Variants in COL1A2 observed in about 807,000 individuals in gnomAD.
COL1A2 encodes the protein collagen type I alpha 2 chain.
A neutral mutation model predicts 174.3 loss-of-function variants in COL1A2; 49 were observed. The observed-to-expected ratio is 0.28, with a 90% CI of 0.22 to 0.36. COL1A2 has a LOEUF of 0.36. Among genes scored for constraint, COL1A2 ranks in the 10% least tolerant of loss-of-function variants. COL1A2 has a pLI of 1.00. For missense variants in COL1A2, 1,438 were observed against 1,822.7 expected, an observed-to-expected ratio of 0.79 and a Z score of 3.84; for synonymous variants, 655 against 606.6, an observed-to-expected ratio of 1.08 and a Z score of -1.17.
At chr7:94,416,939 C>A (rs549548467) in intron 31 of COL1A2, 1 of 161,932 alleles carries the variant, frequency 6.2e-6, no homozygotes, top group East Asian at 1.7e-4. Context: ...AATACATTCA[C>A]CCCCAAAAAT....
At chr7:94,403,687 G>A (rs1187307219) in intron 6 of COL1A2, among the ~76,000 whole-genome samples, 1 of 152,086 alleles carries the variant, frequency 6.6e-6, no homozygotes, top group East Asian at 1.9e-4. Context: ...AGTAAGGTAG[G>A]TTTGACTGCA....
chr7:94,403,929 T>G (rs1408274390), intron 6 of COL1A2, among the ~76,000 whole-genome samples: 2 of 152,196 alleles, frequency 1.3e-5, no homozygotes, highest in African/African-American at 4.8e-5. Flanking sequence ...GGCCATATTT[T>G]CAACAATAAT....
In COL1A2 at chr7:94,428,376, A is replaced by G. The variant is rs778954343; in HGVS notation, c.3610A>G (p.Ile1204Val). ...YCDFSTGETCIRAQPENIPAK... is the reference protein window; with the variant it reads ...YCDFSTGETCVRAQPENIPAK... ...TGATTTCTCTACTGGCGAAACCTGT[A>G]TCCGGGCCCAACCTGAAAACATCCC... The change falls in exon 50 of 52, where the codon ATC (isoleucine) becomes GTC (valine). Residue 1204 changes from isoleucine to valine, a missense_variant. Physicochemically the swap from Ile to Val is conservative, Grantham distance 29. Coordinates refer to ENST00000297268, the MANE Select transcript of COL1A2 (RefSeq NM_000089.4). The G allele has an allele frequency of 6.2e-7, 1 of 1,614,130 alleles. No homozygotes were observed. Among genetic ancestry groups the G allele is most frequent in the South Asian group, 1.1e-5 (1 of 91,084 alleles).
intron 9 of COL1A2, 39 bp downstream of exon 9, chr7:94,404,931 A>T (rs1395994595): frequency 1.2e-6 from 2 of 1,608,400 alleles, no homozygotes; most frequent in South Asian, 2.2e-5. Context: ...AATGCTATTT[A>T]AATACTCTTG....
At chr7:94,396,797 G>A (rs1263646574) in intron 1 of COL1A2, among the ~76,000 whole-genome samples, 2 of 152,042 alleles carry the variant, frequency 1.3e-5, no homozygotes, top group Admixed American at 6.6e-5. Flanking sequence ...CCTAAATTGT[G>A]ACTGTTGCAA....
chr7:94,425,489 C>T, intron 42 of COL1A2, 121 bp from the exon 43 acceptor site: 1 of 1,074,386 alleles, frequency 9.3e-7, no homozygotes, highest in Non-Finnish European at 1.4e-6. Flanking sequence ...CTAGTTTTAA[C>T]AGTCTGAAAG....
In COL1A2 at chr7:94,418,485, C is replaced by T; in HGVS notation, c.1972-14C>T. 1 of 1,613,308 alleles carries T rather than the reference C, an allele frequency of 6.2e-7. No homozygotes were observed. Among genetic ancestry groups the T allele is most frequent in the Non-Finnish European group, 8.5e-7 (1 of 1,179,428 alleles). ...GTCAGAAAACAAAAAGTTGCTCTTG[C>T]TTTATACTTTCAGGGTGAACCTGGT... On this transcript the variant is annotated splice_polypyrimidine_tract_variant and intron_variant, in intron 32 of 51. Coordinates refer to ENST00000297268, the MANE Select transcript of COL1A2 (RefSeq NM_000089.4).
chr7:94,404,834 C>T lies in COL1A2; in HGVS notation c.379-5C>T. On this transcript the variant is annotated splice_polypyrimidine_tract_variant and splice_region_variant and intron_variant, in intron 8 of 51. Transcript: ENST00000297268. The stretch of plus-strand genomic sequence containing the variant: ...AGTGAAATGATGGGTCTCCCATTTT[C>T]TTAGGGTCCTGCAGGTGCTCGTGGT... 2.5e-6 allele frequency: 4 copies of T among 1,614,084 alleles called. No individual in the cohort carries two copies. The highest frequency in any genetic ancestry group is 3.4e-6 in the Non-Finnish European group (4 of 1,180,010).
chr7:94,410,558 A>T, intron 21 of COL1A2, 31 bp downstream of exon 21: 1 of 1,501,284 alleles, frequency 6.7e-7, no homozygotes, highest in Non-Finnish European at 9.1e-7. Flanking sequence ...ACACCCTAAC[A>T]CACCAGAGGC....
intron 12 of COL1A2, 116 bp from the exon 13 acceptor site, chr7:94,407,731 A>G: frequency 3.5e-6 from 3 of 866,120 alleles, no homozygotes; most frequent in Non-Finnish European, 5.5e-6. Context: ...TATATGTGTA[A>G]GAAATATTAT....
chr7:94,404,755 A>T lies in COL1A2; in HGVS notation c.378+9A>T. ...GTGAACCTGGTCAAACTGTGAGTACATTTTTCCACCTTTGTGATAAGTTTT... is the reference window on the plus strand; with the variant it reads ...GTGAACCTGGTCAAACTGTGAGTACTTTTTTCCACCTTTGTGATAAGTTTT... On this transcript the variant is annotated intron_variant, in intron 8 of 51. Transcript: ENST00000297268. 6.2e-7 allele frequency: 1 copy of T among 1,614,046 alleles called. No individual in the cohort carries two copies. Among genetic ancestry groups the T allele is most frequent in the Non-Finnish European group, 8.5e-7 (1 of 1,179,986 alleles).
At chr7:94,400,894 T>C (rs1791676600) in intron 5 of COL1A2, among the ~76,000 whole-genome samples, 1 of 152,208 alleles carries the variant, frequency 6.6e-6, no homozygotes, top group African/African-American at 2.4e-5. Flanking sequence ...TACCCAACTG[T>C]ATGTCAGTAA....
intron 33 of COL1A2, 87 bp from the exon 34 acceptor site, chr7:94,419,411 G>A (rs1157927275): frequency 6.8e-7 from 1 of 1,460,608 alleles, no homozygotes; most frequent in Admixed American, 1.7e-5. Context: ...TTCAGTCACT[G>A]TATAAGCACA....
chr7:94,430,598 A>G lies in COL1A2; in HGVS notation c.*205A>G, dbSNP rs6955879. 2,521 of 590,498 alleles carry G rather than the reference A, an allele frequency of 4.3e-3. 49 individuals are homozygous for G. The African/African-American group carries it at 0.043, about 10-fold the overall frequency. The allele number at this position is 590,498 out of a possible 1,614,324, so 36.6% of individuals were successfully genotyped here. On this transcript the variant is annotated 3_prime_UTR_variant, in exon 52 of 52. Transcript: ENST00000297268. ...ATTAACTCCTTCCCCCGCTCCCCCA[A>G]AAATTTGAATTTTTTTTTCAACACT...
intron 34 of COL1A2, 102 bp downstream of exon 34, chr7:94,419,653 GC>G (rs1231042559): frequency 7.8e-7 from 1 of 1,282,952 alleles, no homozygotes; most frequent in African/African-American, 1.5e-5. Flanking sequence ...TTGGTATAAA[GC>G]CTACTTATTT....
chr7:94,414,077 T>G, intron 28 of COL1A2, 130 bp downstream of exon 28: 1 of 1,339,826 alleles, frequency 7.5e-7, no homozygotes, highest in Non-Finnish European at 1.1e-6. Flanking sequence ...GGTGCATTTT[T>G]TTCAAACAAA....
At chr7:94,410,083 T>C (rs994709224) in intron 19 of COL1A2, among the ~76,000 whole-genome samples, 159 bp from the exon 20 acceptor site, 1 of 152,226 alleles carries the variant, frequency 6.6e-6, no homozygotes, top group African/African-American at 2.4e-5. Context: ...CGACCAATAA[T>C]ACCATTCCCC....
intron 12 of COL1A2, 69 bp from the exon 13 acceptor site, chr7:94,407,778 T>A (rs987539335): frequency 7.8e-6 from 11 of 1,409,408 alleles, no homozygotes; most frequent in Non-Finnish European, 1.1e-5. Flanking sequence ...AAAAATAGAG[T>A]AAAATTGCAC....
Position 94,411,163 on chromosome 7 carries a change from C to T in COL1A2, c.1350+9C>T. The T allele has an allele frequency of 1.3e-6, 2 of 1,559,134 alleles. No individual in the cohort carries two copies. The highest frequency in any genetic ancestry group is 1.7e-6 in the Non-Finnish European group (2 of 1,148,052). On this transcript the variant is annotated intron_variant, in intron 23 of 51. Coordinates refer to ENST00000297268, the MANE Select transcript of COL1A2 (RefSeq NM_000089.4). The stretch of plus-strand genomic sequence containing the variant: ...GTCTCATGGGACCCAGAGTAAGTTT[C>T]AAACTGATTCTGAGCAAATCACACC...
Sources: gnomAD v4.1 joint callset for allele counts (sites outside exome capture counted in the v4.1 genomes callset) on GRCh38, gnomAD v4.1.1 for gene constraint, MANE v1.5 for transcripts, NCBI Gene and HGNC (gene_info 2026-07-23, HGNC 2026-07-21) for gene names.